The following ANKS1B variants were observed in gnomAD, a reference collection of about 807,000 sequenced individuals.
ANKS1B encodes the protein ankyrin repeat and sterile alpha motif domain containing 1B.
ANKS1B carries 36 observed loss-of-function variants against 148.3 expected under a neutral mutation model. That is an observed-to-expected ratio of 0.24 (90% CI 0.19 to 0.32). The LOEUF is 0.32. Among genes scored for constraint, ANKS1B ranks in the 10% least tolerant of loss-of-function variants. ANKS1B has a pLI of 1.00. For synonymous variants in ANKS1B, 542 were observed against 560.8 expected, an observed-to-expected ratio of 0.97 and a Z score of 0.47; for missense variants, 1,157 against 1,542.6, an observed-to-expected ratio of 0.75 and a Z score of 4.19.
At position 99,646,652 on chromosome 12, in the gene ANKS1B, CAAAAAAAAAAAA is replaced by C. The variant is rs35481645; in HGVS notation, c.1272+8403_1272+8414del. Among the ~76,000 whole-genome samples, 9 of 35,904 alleles carry C rather than the reference CAAAAAAAAAAAA, an allele frequency of 2.5e-4. No individual in the cohort carries two copies. The East Asian group carries it at 8.3e-3, about 33-fold the overall frequency. 23.6% of individuals were successfully genotyped at this position (35,904 alleles called of 152,430 possible). ...CGGGTGACAGAGTGAGACTCCATCT[CAAAAAAAAAAAA>C]AAAAAAAAAAAAAAAGACTCAACTA... On this transcript the variant is annotated intron_variant, in intron 9 of 26. Coordinates refer to ENST00000683438, the MANE Select transcript of ANKS1B (RefSeq NM_001352186.2).
intron 10 of ANKS1B, among the ~76,000 whole-genome samples, chr12:99,495,085 T>C (rs2096591198): frequency 6.6e-6 from 1 of 152,174 alleles, no homozygotes; most frequent in South Asian, 2.1e-4. Flanking sequence ...TGTGAAGCAG[T>C]GTGGTAAGTC....
intron 10 of ANKS1B, among the ~76,000 whole-genome samples, chr12:99,452,138 C>G (rs932917413): frequency 7.9e-5 from 12 of 152,050 alleles, no homozygotes; most frequent in African/African-American, 2.9e-4. Flanking sequence ...GTTGTAACTA[C>G]TCTACTCTCT....
At chr12:99,050,087 TA>T (rs1384342216) in intron 17 of ANKS1B, among the ~76,000 whole-genome samples, 1 of 152,234 alleles carries the variant, frequency 6.6e-6, no homozygotes, top group African/African-American at 2.4e-5. Flanking sequence ...CATTCCCTTT[TA>T]GGCTAGAAAA....
intron 15 of ANKS1B, among the ~76,000 whole-genome samples, chr12:99,147,963 TAAAAG>T (rs2073733210): frequency 3.3e-5 from 5 of 151,940 alleles, no homozygotes; most frequent in African/African-American, 9.7e-5. Flanking sequence ...AGAGCTGACT[TAAAAG>T]AGAGCAATTT....
At position 98,941,823 on chromosome 12, in the gene ANKS1B, G is replaced by A. The variant is rs146665081; in HGVS notation, c.2779-109687C>T. Reference sequence around the variant, plus strand: ...TATTAGGAAATGGCAAAATGTGATGGGCAGAATATATATAGAGAAAGGGTA... The same window carrying A: ...TATTAGGAAATGGCAAAATGTGATGAGCAGAATATATATAGAGAAAGGGTA... On this transcript the variant is annotated intron_variant, in intron 17 of 26. Coordinates refer to ENST00000683438, the MANE Select transcript of ANKS1B (RefSeq NM_001352186.2). Among the ~76,000 whole-genome samples the A allele has an allele frequency of 5.5e-3, 835 of 152,162 alleles. 6 individuals are homozygous for A. The highest frequency in any genetic ancestry group is 0.019 in the African/African-American group (801 of 41,502).
At chr12:99,059,803 A>G (rs868730559) in intron 16 of ANKS1B, among the ~76,000 whole-genome samples, 38 of 146,244 alleles carry the variant, frequency 2.6e-4, no homozygotes, top group African/African-American at 9.5e-4. Context: ...ATATATATAT[A>G]TATGATAGGA....
At chr12:98,871,686 G>A (rs943742630) in intron 17 of ANKS1B, among the ~76,000 whole-genome samples, 1 of 151,896 alleles carries the variant, frequency 6.6e-6, no homozygotes, top group African/African-American at 2.4e-5. Context: ...ACACATTTGA[G>A]GAGCTGTTTT....
At chr12:99,472,373 C>T (rs1349992478) in intron 10 of ANKS1B, among the ~76,000 whole-genome samples, 1 of 152,208 alleles carries the variant, frequency 6.6e-6, no homozygotes, top group Non-Finnish European at 1.5e-5. Flanking sequence ...CTCTGTCTCC[C>T]TACAGAGCGT....
In ANKS1B at chr12:99,477,860, A is replaced by C. The variant is rs371396388; in HGVS notation, c.1438+26616T>G. Among the ~76,000 whole-genome samples the C allele has an allele frequency of 3.6e-4, 55 of 152,292 alleles. No individual in the cohort carries two copies. In the East Asian group the frequency reaches 7.5e-3, roughly 21 times the overall value. On this transcript the variant is annotated intron_variant, in intron 10 of 26. Transcript: ENST00000683438. ...ATTAACTTACATTTGACCCACAGGG[A>C]AATTTCTCTCATAGAAATAAAGGCA...
intron 25 of ANKS1B, among the ~76,000 whole-genome samples, chr12:98,771,883 G>A (rs557090315): frequency 6.6e-6 from 1 of 152,190 alleles, no homozygotes; most frequent in African/African-American, 2.4e-5. Flanking sequence ...CTGCAGATTT[G>A]TATGAGGCAA....
intron 9 of ANKS1B, among the ~76,000 whole-genome samples, chr12:99,539,897 T>A (rs982476114): frequency 6.6e-6 from 1 of 151,982 alleles, no homozygotes; most frequent in African/African-American, 2.4e-5. Context: ...CAAAAAATGA[T>A]CCACATGTTG....
intron 1 of ANKS1B, among the ~76,000 whole-genome samples, chr12:99,838,589 T>C (rs537783160): frequency 6.6e-6 from 1 of 152,294 alleles, no homozygotes. Context: ...ATTTCATCTT[T>C]CAGCCGAACT....
intron 10 of ANKS1B, among the ~76,000 whole-genome samples, chr12:99,491,845 A>T (rs1480730696): frequency 6.6e-6 from 1 of 152,178 alleles, no homozygotes; most frequent in Admixed American, 6.5e-5. Flanking sequence ...AGAAATCAAG[A>T]TGTTCTTTGA....
At chr12:99,741,473 T>G (rs934287308) in intron 8 of ANKS1B, among the ~76,000 whole-genome samples, 2 of 152,046 alleles carry the variant, frequency 1.3e-5, no homozygotes, top group African/African-American at 4.8e-5. Flanking sequence ...TTATTCACAA[T>G]AGCAAAGACT....
At chr12:99,057,664 T>C (rs1262057087) in intron 16 of ANKS1B, among the ~76,000 whole-genome samples, 3 of 152,234 alleles carry the variant, frequency 2.0e-5, no homozygotes, top group Non-Finnish European at 2.9e-5. Flanking sequence ...ATCAACATTA[T>C]GTCTCAGTGT....
chr12:99,333,854 GTTTT>G (rs10526476), intron 12 of ANKS1B, among the ~76,000 whole-genome samples: 3 of 107,484 alleles, frequency 2.8e-5, no homozygotes, highest in African/African-American at 8.0e-5. Context: ...CCAGTTCTCA[GTTTT>G]TTTTTTTTTT....
At chr12:99,873,860 A>T (rs1387024018) in intron 1 of ANKS1B, among the ~76,000 whole-genome samples, 1 of 152,020 alleles carries the variant, frequency 6.6e-6, no homozygotes, top group Non-Finnish European at 1.5e-5. Context: ...TCCCTAAAGG[A>T]AAAGGGGATT....
intron 14 of ANKS1B, among the ~76,000 whole-genome samples, chr12:99,196,767 C>T (rs1055087829): frequency 6.6e-6 from 1 of 151,960 alleles, no homozygotes; most frequent in Non-Finnish European, 1.5e-5. Context: ...AAAGCTATCC[C>T]TCTCCCCTCC....
chr12:99,666,023 AT>A (rs1311948869), intron 8 of ANKS1B, among the ~76,000 whole-genome samples: 39 of 152,138 alleles, frequency 2.6e-4, no homozygotes, highest in Admixed American at 1.2e-3. Flanking sequence ...TAAGAAACCT[AT>A]TTTTTTAATA....
Sources: gnomAD v4.1 joint callset for allele counts (sites outside exome capture counted in the v4.1 genomes callset) on GRCh38, gnomAD v4.1.1 for gene constraint, MANE v1.5 for transcripts, NCBI Gene and HGNC (gene_info 2026-07-23, HGNC 2026-07-21) for gene names.